RUNX1: variants seen among roughly 807,000 people sequenced by gnomAD.
RUNX1 encodes the protein RUNX family transcription factor 1, also known as runt-related transcription factor 1.
RUNX1 carries 19 observed loss-of-function variants against 42.8 expected under a neutral mutation model. The observed-to-expected ratio is 0.44, with a 90% CI of 0.31 to 0.65. RUNX1 has a LOEUF of 0.65. RUNX1 is among the 30% of genes least tolerant of loss of function. The probability of loss-of-function intolerance (pLI) is 0.07; values close to 1 mark genes in which losing one functional copy is unlikely to be tolerated. For synonymous variants in RUNX1, 271 were observed against 289.4 expected, an observed-to-expected ratio of 0.94 and a Z score of 0.64; for missense variants, 528 against 672.0, an observed-to-expected ratio of 0.79 and a Z score of 2.37.
chr21:34,867,983 A>G (rs955655308), intron 5 of RUNX1, among the ~76,000 whole-genome samples: 3 of 150,850 alleles, frequency 2.0e-5, no homozygotes, highest in Non-Finnish European at 4.4e-5. Flanking sequence ...GGGTGCCTCA[A>G]ACACACAGCC....
intron 2 of RUNX1, among the ~76,000 whole-genome samples, chr21:34,917,630 T>G (rs28370556): frequency 0.012 from 1,754 of 152,060 alleles, 16 homozygotes; most frequent in Admixed American, 0.018. Context: ...TCAAAGAAGA[T>G]AGACAGATGG....
At chr21:34,871,265 C>T (rs180765403) in intron 5 of RUNX1, among the ~76,000 whole-genome samples, 2 of 152,208 alleles carry the variant, frequency 1.3e-5, no homozygotes, top group African/African-American at 4.8e-5. Flanking sequence ...TGTGCAGTCC[C>T]TGGCTCAGAC....
intron 7 of RUNX1, among the ~76,000 whole-genome samples, chr21:34,826,335 G>A (rs534705091): frequency 6.6e-6 from 1 of 151,868 alleles, no homozygotes; most frequent in East Asian, 1.9e-4. Context: ...TCTGCCTTGG[G>A]TTAATGCAGC....
chr21:34,935,458 A>C (rs2058477866), intron 2 of RUNX1, among the ~76,000 whole-genome samples: 2 of 152,258 alleles, frequency 1.3e-5, no homozygotes, highest in Admixed American at 1.3e-4. Flanking sequence ...ATAATGTTTA[A>C]ATATGACTTT....
At chr21:35,011,133 A>G (rs538981193) in intron 2 of RUNX1, among the ~76,000 whole-genome samples, 58 of 152,322 alleles carry the variant, frequency 3.8e-4, no homozygotes, top group African/African-American at 1.3e-3. Flanking sequence ...AGTGATGTGA[A>G]TAACAATGAA....
At chr21:34,794,870 C>A (rs888979297) in intron 8 of RUNX1, among the ~76,000 whole-genome samples, 2 of 152,120 alleles carry the variant, frequency 1.3e-5, no homozygotes, top group African/African-American at 4.8e-5. Context: ...TAGCATCGCC[C>A]GCCCCTCTTG....
In RUNX1 at chr21:34,883,098, T is replaced by C. The variant is rs570902887; in HGVS notation, c.352-2385A>G. On this transcript the variant is annotated intron_variant, in intron 4 of 8. Transcript: ENST00000675419. ...TGTGCCTCTCTCATCTTTCCAATACTATCCTCATTGGTAATTTGGCAAATT... is the reference window on the plus strand; with the variant it reads ...TGTGCCTCTCTCATCTTTCCAATACCATCCTCATTGGTAATTTGGCAAATT... 2.6e-5 allele frequency among the ~76,000 whole-genome samples: 4 copies of C among 152,368 alleles called. No homozygotes were observed. In the South Asian group the frequency reaches 6.2e-4, roughly 24 times the overall value.
intron 7 of RUNX1, among the ~76,000 whole-genome samples, chr21:34,804,839 T>A (rs1000379820): frequency 3.3e-5 from 5 of 150,378 alleles, no homozygotes; most frequent in African/African-American, 1.2e-4. Flanking sequence ...GCCTCCTGGG[T>A]TCAAGTGATT....
intron 7 of RUNX1, among the ~76,000 whole-genome samples, chr21:34,823,219 G>C (rs1227624831): frequency 6.6e-6 from 1 of 152,182 alleles, no homozygotes; most frequent in Non-Finnish European, 1.5e-5. Flanking sequence ...ATCTTCCCTA[G>C]GGATGCTTTG....
At chr21:34,919,109 T>G (rs1038318648) in intron 2 of RUNX1, among the ~76,000 whole-genome samples, 2 of 152,154 alleles carry the variant, frequency 1.3e-5, no homozygotes, top group Non-Finnish European at 2.9e-5. Context: ...ATTTTACAGA[T>G]GAAGAAACTG....
chr21:34,889,007 G>T (rs2058041054), intron 3 of RUNX1, among the ~76,000 whole-genome samples: 1 of 151,328 alleles, frequency 6.6e-6, no homozygotes, highest in Non-Finnish European at 1.5e-5. Context: ...GTGCGGCTCC[G>T]CGAGTGGCCA....
In RUNX1 at chr21:34,843,679, G is replaced by GCCCCCCCCCCCC. The variant is rs2057275812; in HGVS notation, c.614-9079_614-9078insGGGGGGGGGGGG. Among the ~76,000 whole-genome samples, 1 of 151,050 alleles carries GCCCCCCCCCCCC rather than the reference G, an allele frequency of 6.6e-6. No individual in the cohort carries two copies. Among genetic ancestry groups the GCCCCCCCCCCCC allele is most frequent in the Non-Finnish European group, 1.5e-5 (1 of 67,830 alleles). ...ACGCACACAGGCCTGCCCCTCCCCA[G>GCCCCCCCCCCCC]CCCCCCTGCACCATGCGCCCAAGAC... On this transcript the variant is annotated intron_variant, in intron 6 of 8. Transcript: ENST00000675419. The surrounding 1 kb of genome is among the most constrained non-coding windows in gnomAD (Gnocchi z 4.8).
chr21:35,009,384 AACC>A (rs2059108919), intron 2 of RUNX1, among the ~76,000 whole-genome samples: 1 of 152,204 alleles, frequency 6.6e-6, no homozygotes, highest in Non-Finnish European at 1.5e-5. Context: ...CTTCTGCACA[AACC>A]CCACCGAGTG....
chr21:34,817,279 G>A (rs1217729335), intron 7 of RUNX1, among the ~76,000 whole-genome samples: 2 of 152,186 alleles, frequency 1.3e-5, no homozygotes, highest in Non-Finnish European at 2.9e-5. Flanking sequence ...TTGTCCTTTT[G>A]TTTCTCTGGG....
chr21:35,018,370 T>C (rs1425430461), intron 2 of RUNX1, among the ~76,000 whole-genome samples: 1 of 152,020 alleles, frequency 6.6e-6, no homozygotes, highest in Non-Finnish European at 1.5e-5. Flanking sequence ...TCTCAAAAGG[T>C]GAACCTGGAA....
chr21:34,829,882 TCTC>T (rs2057039215), intron 7 of RUNX1: 1 of 152,226 alleles, frequency 6.6e-6, no homozygotes, highest in South Asian at 2.1e-4. Flanking sequence ...TTTATCTCCT[TCTC>T]CTACAGGAAG....
At chr21:34,967,582 G>A (rs534409668) in intron 2 of RUNX1, among the ~76,000 whole-genome samples, 2 of 152,236 alleles carry the variant, frequency 1.3e-5, no homozygotes, top group Non-Finnish European at 2.9e-5. Flanking sequence ...CTAATGTAGT[G>A]TTTTAAAGAG....
chr21:35,020,309 T>C (rs779981681), intron 2 of RUNX1, among the ~76,000 whole-genome samples: 9 of 152,134 alleles, frequency 5.9e-5, no homozygotes, highest in Non-Finnish European at 1.3e-4. Flanking sequence ...ATGCTTTTAA[T>C]GGAGCAGAGA....
chr21:34,845,476 G>A (rs1185371434), intron 6 of RUNX1, among the ~76,000 whole-genome samples: 1 of 152,226 alleles, frequency 6.6e-6, no homozygotes, highest in East Asian at 1.9e-4. Flanking sequence ...CTGGCCTGGT[G>A]AGACCAGCCT....
Sources: gnomAD v4.1 joint callset for allele counts (sites outside exome capture counted in the v4.1 genomes callset) on GRCh38, gnomAD v4.1.1 for gene constraint, Gnocchi (gnomAD v3.1) non-coding constraint, MANE v1.5 for transcripts, NCBI Gene and HGNC (gene_info 2026-07-23, HGNC 2026-07-21) for gene names.